The following INTS10 variants were observed in gnomAD, a reference collection of about 807,000 sequenced individuals.
INTS10 encodes the protein chromosome 8 open reading frame 35.
INTS10 carries 44 observed loss-of-function variants against 94.4 expected under a neutral mutation model. The ratio of observed to expected loss-of-function variants is 0.47; its 90% confidence interval spans 0.37 to 0.60. The LOEUF (loss-of-function observed/expected upper bound fraction) is 0.60. Ranked by LOEUF, INTS10 falls within the 20% of genes least tolerant of loss-of-function variation. The probability of loss-of-function intolerance (pLI) is 0.00; values close to 1 mark genes in which losing one functional copy is unlikely to be tolerated. For missense variants in INTS10, 797 were observed against 868.7 expected, an observed-to-expected ratio of 0.92 and a Z score of 1.04; for synonymous variants, 341 against 320.7, an observed-to-expected ratio of 1.06 and a Z score of -0.68.
intron 10 of INTS10, 21 bp downstream of exon 10, chr8:19,830,580 G>T: frequency 6.3e-7 from 1 of 1,596,896 alleles, no homozygotes; most frequent in Non-Finnish European, 8.5e-7. Flanking sequence ...GCATGTCATT[G>T]GTGCTGTTTG....
chr8:19,850,688 C>T (rs2068955049), intron 16 of INTS10, among the ~76,000 whole-genome samples: 3 of 152,156 alleles, frequency 2.0e-5, no homozygotes, highest in Non-Finnish European at 1.5e-5. Context: ...GGGTGGGAAA[C>T]AGAGGTGACT....
At chr8:19,833,976 C>G (rs1257860420) in intron 12 of INTS10, among the ~76,000 whole-genome samples, 1 of 147,634 alleles carries the variant, frequency 6.8e-6, no homozygotes, top group Non-Finnish European at 1.5e-5. Context: ...CACTGCACTC[C>G]AGCCTGGGTG....
Position 19,826,111 on chromosome 8 carries a change from G to A in INTS10, c.1007-315G>A, listed in dbSNP as rs2410613. Among the ~76,000 whole-genome samples the A allele has an allele frequency of 5.9e-5, 9 of 151,668 alleles. No homozygotes were observed. The East Asian group carries it at 1.7e-3, about 29-fold the overall frequency. On this transcript the variant is annotated intron_variant, in intron 8 of 16. Transcript: ENST00000397977. ...TAATTTTATTTATTTTTTAAGTCTC[G>A]CTCTGTCGCCCAGGCTGGAGTGCAG...
chr8:19,832,607 G>A (rs914791530), intron 11 of INTS10, among the ~76,000 whole-genome samples: 2 of 152,086 alleles, frequency 1.3e-5, no homozygotes, highest in African/African-American at 4.8e-5. Flanking sequence ...TGACAAGCCT[G>A]TACCTTCTGT....
At position 19,849,553 on chromosome 8, in the gene INTS10, T is replaced by C. The variant is rs2068851061; in HGVS notation, c.1977-2096T>C. 6.6e-6 allele frequency among the ~76,000 whole-genome samples: 1 copy of C among 152,208 alleles called. No individual in the cohort carries two copies. Among genetic ancestry groups the C allele is most frequent in the Non-Finnish European group, 1.5e-5 (1 of 68,034 alleles). ...CCATGATTCTCTTTTGATAAAACGT[T>C]AAGGCTTTCGGTCATATATATTTAA... On this transcript the variant is annotated intron_variant, in intron 16 of 16. Coordinates refer to ENST00000397977, the MANE Select transcript of INTS10 (RefSeq NM_018142.4). This position sits in a 1 kb window ranked among gnomAD's most constrained non-coding sequence, Gnocchi z 4.6.
Position 19,851,785 on chromosome 8 carries a change from C to A in INTS10, c.2113C>A (p.Leu705Ile), listed in dbSNP as rs1468278024. The A allele has an allele frequency of 6.2e-7, 1 of 1,614,146 alleles. No individual in the cohort carries two copies. Among genetic ancestry groups the A allele is most frequent in the East Asian group, 2.2e-5 (1 of 44,872 alleles). The change falls in exon 17 of 17, where the codon CTC (leucine) becomes ATC (isoleucine). Residue 705 changes from leucine to isoleucine, a missense_variant. Leu to Ile is a conservative substitution (Grantham distance 5, BLOSUM62 2). Around this residue, in one of 3 missense-constraint regions of INTS10, gnomAD observed 47 missense variants for 41.8 expected, o/e 1.12. Coordinates refer to ENST00000397977, the MANE Select transcript of INTS10 (RefSeq NM_018142.4). This position sits in a 1 kb window ranked among gnomAD's most constrained non-coding sequence, Gnocchi z 5.0. ...HRFCINEKIL[L>I]LQTLT ...GTTCTGCATTAATGAGAAGATCTTG[C>A]TCCTTCAGACTCTGACCTGAGTGGA... is the stretch of plus-strand genomic sequence containing the variant.
rs761217479 is a variant in INTS10 at position 19,826,445 on chromosome 8, A to C, written c.1026A>C (p.Gln342His). The change falls in exon 9 of 17, where the codon CAA becomes CAC. Residue 342 changes from glutamine (Q) to histidine (H), a missense_variant. By Grantham distance (24) the Gln-to-His change is conservative. This residue lies in a region of INTS10 where 734 missense variants were observed against 787.8 expected (regional missense o/e 0.93). Coordinates refer to ENST00000397977, the MANE Select transcript of INTS10 (RefSeq NM_018142.4). ...CCTTAGGTCCTAATGCCCCGAGCCA[A>C]GTTCCACTGGTTCTTCTTGAAGATG... ...SLFQGPNAPS[Q>H]VPLVLLEDVS... 1 of 1,612,054 alleles carries C rather than the reference A, an allele frequency of 6.2e-7. No individual in the cohort carries two copies. The highest frequency in any genetic ancestry group is 1.3e-5 in the African/African-American group (1 of 74,874).
intron 12 of INTS10, among the ~76,000 whole-genome samples, chr8:19,836,100 C>T (rs532899298): frequency 6.6e-6 from 1 of 151,236 alleles, no homozygotes; most frequent in Admixed American, 6.6e-5. Context: ...CACCAAGGCA[C>T]ACATATATGT....
chr8:19,823,818 AT>A, intron 6 of INTS10, 54 bp from the exon 7 acceptor site: 1 of 1,390,456 alleles, frequency 7.2e-7, no homozygotes, highest in Non-Finnish European at 9.8e-7. Context: ...ATCAGGTACC[AT>A]GTCAACAGTA....
intron 4 of INTS10, among the ~76,000 whole-genome samples, chr8:19,820,733 C>G (rs1431656166): frequency 6.6e-6 from 1 of 152,218 alleles, no homozygotes; most frequent in African/African-American, 2.4e-5. Flanking sequence ...AGGAAAATCA[C>G]CAAGCTCTGA....
Position 19,834,574 on chromosome 8 carries a change from C to T in INTS10, c.1530+1253C>T, listed in dbSNP as rs545566165. The stretch of plus-strand genomic sequence containing the variant: ...GTAGTAGGGAATATAAACTACTGAA[C>T]AAGACAGACTTGTCTAACTTAAACA... On this transcript the variant is annotated intron_variant, in intron 12 of 16. Coordinates refer to ENST00000397977, the MANE Select transcript of INTS10 (RefSeq NM_018142.4). 7.9e-5 allele frequency among the ~76,000 whole-genome samples: 12 copies of T among 152,256 alleles called. No individual in the cohort carries two copies. In the South Asian group the frequency reaches 2.5e-3, roughly 32 times the overall value.
intron 15 of INTS10, 102 bp downstream of exon 15, chr8:19,844,340 T>C: frequency 1.1e-6 from 1 of 942,818 alleles, no homozygotes; most frequent in Non-Finnish European, 1.6e-6. Flanking sequence ...TAATGATTTT[T>C]ACTATTTTGC....
At chr8:19,844,005 A>G in intron 14 of INTS10, 71 bp from the exon 15 acceptor site, 2 of 1,254,292 alleles carry the variant, frequency 1.6e-6, no homozygotes, top group Non-Finnish European at 2.2e-6. Context: ...TTGGAAAGTG[A>G]TGTTTGCTGT....
chr8:19,826,998 G>A (rs1232969336), intron 9 of INTS10, among the ~76,000 whole-genome samples: 2 of 152,180 alleles, frequency 1.3e-5, no homozygotes, highest in African/African-American at 4.8e-5. Flanking sequence ...GAGGTGGGCA[G>A]GGCAGCAGGA....
chr8:19,832,986 G>A (rs1224714781), intron 11 of INTS10, among the ~76,000 whole-genome samples, 183 bp from the exon 12 acceptor site: 1 of 152,104 alleles, frequency 6.6e-6, no homozygotes, highest in African/African-American at 2.4e-5. Context: ...ACTCCCACCT[G>A]GCTTTAATTA....
At position 19,822,195 on chromosome 8, in the gene INTS10, G is replaced by T. The variant is rs980238806; in HGVS notation, c.442-244G>T. ...GTTAATTCTTGTTCATCGTTAATTA[G>T]AATTTGCTAATTATGAAGAGAATAA... On this transcript the variant is annotated intron_variant, in intron 4 of 16. Coordinates refer to ENST00000397977, the MANE Select transcript of INTS10 (RefSeq NM_018142.4). 5 of 286,510 alleles carry T rather than the reference G, an allele frequency of 1.7e-5. No individual in the cohort carries two copies. In the South Asian group the frequency reaches 3.0e-4, roughly 17 times the overall value. 17.7% of individuals were successfully genotyped at this position (286,510 alleles called of 1,614,324 possible). A position where few individuals can be genotyped will look rare whatever the true frequency, so the allele number is the denominator to read the frequency against.
Position 19,842,943 on chromosome 8 carries a change from AT to A in INTS10, c.1719+18del. On this transcript the variant is annotated intron_variant, in intron 14 of 16. Coordinates refer to ENST00000397977, the MANE Select transcript of INTS10 (RefSeq NM_018142.4). ...CTGTTTTAAGGTAAGCTTAAAGTTG[AT>A]TAGCTTGAAAAAAAATGTAATTTCA... The A allele has an allele frequency of 6.7e-7, 1 of 1,490,108 alleles. No homozygotes were observed. Among genetic ancestry groups the A allele is most frequent in the Non-Finnish European group, 9.4e-7 (1 of 1,068,702 alleles). The allele number at this position is 1,490,108 out of a possible 1,614,324, so 92.3% of individuals were successfully genotyped here. A position where few individuals can be genotyped will look rare whatever the true frequency, so the allele number is the denominator to read the frequency against.
chr8:19,847,337 G>T (rs879802434), intron 16 of INTS10, among the ~76,000 whole-genome samples: 1 of 152,214 alleles, frequency 6.6e-6, no homozygotes, highest in Non-Finnish European at 1.5e-5. Flanking sequence ...ACTTTTCTAA[G>T]ATCGTGAATC....
chr8:19,835,006 C>T (rs959651845), intron 12 of INTS10, among the ~76,000 whole-genome samples: 2 of 152,024 alleles, frequency 1.3e-5, no homozygotes, highest in African/African-American at 4.8e-5. Context: ...AAAGGCTGTC[C>T]CTCCTGATGC....
Sources: allele counts gnomAD v4.1 joint callset (sites outside exome capture counted in the v4.1 genomes callset), GRCh38; gene constraint gnomAD v4.1.1; regional missense constraint gnomAD v4.1.1; non-coding constraint Gnocchi (gnomAD v3.1); transcripts MANE v1.5; gene names NCBI Gene and HGNC (gene_info 2026-07-23, HGNC 2026-07-21).